The following PCDH15 variants were observed in gnomAD, a reference collection of about 807,000 sequenced individuals.
The protein encoded by PCDH15 is protocadherin-15.
PCDH15 carries 129 observed loss-of-function variants against 178.5 expected under a neutral mutation model. That is an observed-to-expected ratio of 0.72 (90% CI 0.63 to 0.84). The LOEUF is 0.84. Among genes scored for constraint, PCDH15 ranks in the 40% least tolerant of loss-of-function variants. PCDH15 has a pLI of 0.00. For synonymous variants in PCDH15, 800 were observed against 732.0 expected, an observed-to-expected ratio of 1.09 and a Z score of -1.50; for missense variants, 2,230 against 2,099.9, an observed-to-expected ratio of 1.06 and a Z score of -1.21.
intron 32 of PCDH15, among the ~76,000 whole-genome samples, chr10:53,825,871 G>A (rs1229936698): frequency 6.6e-6 from 1 of 151,312 alleles, no homozygotes; most frequent in African/African-American, 2.4e-5. Flanking sequence ...AATCTACTGA[G>A]TCTACTACAA....
chr10:53,816,367 G>A lies in PCDH15; in HGVS notation c.4453-90C>T, dbSNP rs1343649490. The A allele has an allele frequency of 5.8e-5, 23 of 396,932 alleles. No individual in the cohort carries two copies. The East Asian group carries it at 6.1e-4, about 11-fold the overall frequency. 24.6% of individuals were successfully genotyped at this position (396,932 alleles called of 1,614,324 possible). On this transcript the variant is annotated intron_variant, in intron 34 of 37. Transcript: ENST00000644397. The stretch of plus-strand genomic sequence containing the variant: ...GATTGAGAAGAGAGGAAAAAAAGGC[G>A]ACAGTTTAAAACGTGTTTCCTTGGG...
At chr10:54,936,897 T>C (rs1837921119) in intron 2 of PCDH15, among the ~76,000 whole-genome samples, 2 of 151,906 alleles carry the variant, frequency 1.3e-5, no homozygotes, top group African/African-American at 2.4e-5. Context: ...GTGCTTTTTG[T>C]CATATTTAAT....
intron 2 of PCDH15, among the ~76,000 whole-genome samples, chr10:55,535,478 GA>G (rs950375887): frequency 4.0e-5 from 6 of 151,816 alleles, no homozygotes; most frequent in African/African-American, 1.4e-4. Flanking sequence ...GAATCAAAGT[GA>G]AAAAAGACAA....
intron 3 of PCDH15, among the ~76,000 whole-genome samples, chr10:54,392,360 G>A (rs1950643187): frequency 6.7e-6 from 1 of 149,850 alleles, no homozygotes; most frequent in African/African-American, 2.5e-5. Flanking sequence ...CAGCTACTTG[G>A]GAGGCTGAGG....
chr10:54,295,623 G>C (rs12357167), intron 8 of PCDH15, among the ~76,000 whole-genome samples: 26,645 of 152,046 alleles, frequency 0.18, 2,556 homozygotes, highest in African/African-American at 0.24. Context: ...AGAAACTCCG[G>C]ACATACCATC....
At chr10:54,329,977 G>A (rs1279061183) in intron 6 of PCDH15, among the ~76,000 whole-genome samples, 1 of 151,782 alleles carries the variant, frequency 6.6e-6, no homozygotes, top group African/African-American at 2.4e-5. Flanking sequence ...TTCATCAACA[G>A]TCTTGGAATA....
intron 8 of PCDH15, among the ~76,000 whole-genome samples, chr10:54,289,078 C>T (rs1156359822): frequency 6.6e-6 from 1 of 152,178 alleles, no homozygotes; most frequent in Non-Finnish European, 1.5e-5. Context: ...GTCCCTGACC[C>T]CCGTTTAGCC....
At chr10:54,043,979 A>T (rs983750972) in intron 18 of PCDH15, among the ~76,000 whole-genome samples, 19 of 152,226 alleles carry the variant, frequency 1.2e-4, no homozygotes, top group Non-Finnish European at 2.9e-5. Flanking sequence ...TTGCTTTTGC[A>T]CCAATAACTA....
intron 2 of PCDH15, among the ~76,000 whole-genome samples, chr10:55,030,812 T>A (rs1228802485): frequency 6.6e-6 from 1 of 152,154 alleles, no homozygotes; most frequent in Non-Finnish European, 1.5e-5. Context: ...AGAATAATGA[T>A]GTTTGCAGAA....
At chr10:53,915,396 C>A (rs1589400867) in intron 25 of PCDH15, among the ~76,000 whole-genome samples, 1 of 152,158 alleles carries the variant, frequency 6.6e-6, no homozygotes. Flanking sequence ...TTTTGTGGTT[C>A]ATTTCAATAG....
At chr10:54,969,792 T>C (rs1838885900) in intron 2 of PCDH15, among the ~76,000 whole-genome samples, 2 of 152,220 alleles carry the variant, frequency 1.3e-5, no homozygotes, top group African/African-American at 4.8e-5. Flanking sequence ...AGGAACACTG[T>C]TCTGATAACC....
At chr10:54,185,078 AACAT>A (rs1029102431) in intron 12 of PCDH15, 52 bp downstream of exon 12, 7 of 1,587,956 alleles carry the variant, frequency 4.4e-6, no homozygotes, top group Non-Finnish European at 6.0e-6. Context: ...GTTCCATACA[AACAT>A]ACATACATAC....
chr10:54,411,165 G>A (rs1953450712), intron 3 of PCDH15, among the ~76,000 whole-genome samples: 1 of 152,038 alleles, frequency 6.6e-6, no homozygotes, highest in Non-Finnish European at 1.5e-5. Context: ...TGGGTGGGTG[G>A]TGGGACATTA....
At chr10:54,651,771 G>A (rs77554035) in intron 2 of PCDH15, among the ~76,000 whole-genome samples, 3,339 of 152,128 alleles carry the variant, frequency 0.022, 133 homozygotes, top group African/African-American at 0.075. Flanking sequence ...ACAATAATAC[G>A]TCATACTTAC....
chr10:54,409,894 C>T (rs1953233498), intron 3 of PCDH15, among the ~76,000 whole-genome samples: 2 of 152,080 alleles, frequency 1.3e-5, no homozygotes, highest in South Asian at 2.1e-4. Flanking sequence ...TATGATACAG[C>T]AATAAAACCC....
rs397517459 is a variant in PCDH15 at position 53,827,417 on chromosome 10, T to G, written c.4343A>C (p.Tyr1448Ser). The change falls in exon 32 of 38, where the codon TAT becomes TCT. Residue 1448 changes from tyrosine to serine, a missense_variant. Physicochemically the swap from Tyr to Ser is moderately radical, Grantham distance 144. Transcript: ENST00000644397. ...CATTGAGCTGTCTCCAAGTTCTTCA[T>G]AGAGATGCGCACCTGGCGGAGGCGG... ...PPPPPPGAHL[Y>S]EELGDSSIWS... is the part of the protein sequence containing the mutation. 7 of 1,612,882 alleles carry G rather than the reference T, an allele frequency of 4.3e-6. No homozygotes were observed. The African/African-American group carries it at 6.7e-5, about 15-fold the overall frequency.
intron 2 of PCDH15, among the ~76,000 whole-genome samples, chr10:55,560,304 C>T (rs1262521462): frequency 6.6e-6 from 1 of 151,878 alleles, no homozygotes; most frequent in Non-Finnish European, 1.5e-5. Flanking sequence ...TATTCTTAGA[C>T]TGGGAATGCT....
intron 2 of PCDH15, among the ~76,000 whole-genome samples, chr10:55,124,688 T>C (rs1004411254): frequency 1.3e-5 from 2 of 152,158 alleles, no homozygotes; most frequent in African/African-American, 2.4e-5. Flanking sequence ...GGCTGGACCT[T>C]GAATAATACT....
At chr10:54,818,102 G>A (rs1295465965) in intron 3 of PCDH15, among the ~76,000 whole-genome samples, 1 of 150,636 alleles carries the variant, frequency 6.6e-6, no homozygotes, top group East Asian at 2.1e-4. Context: ...CCTCTCCTCT[G>A]TCTATCTATC....
Sources: allele counts gnomAD v4.1 joint callset (sites outside exome capture counted in the v4.1 genomes callset), GRCh38; gene constraint gnomAD v4.1.1; transcripts MANE v1.5; gene names NCBI Gene and HGNC (gene_info 2026-07-23, HGNC 2026-07-21).